The following GRIA3 variants were observed in gnomAD, a reference collection of about 807,000 sequenced individuals.
GRIA3 encodes glutamate receptor 3.
In GRIA3, 3 loss-of-function variants were observed where a neutral mutation model predicts 63.0. That is an observed-to-expected ratio of 0.05 (90% CI 0.02 to 0.12). The LOEUF (loss-of-function observed/expected upper bound fraction) is 0.12, where lower values mean the gene tolerates loss of function less well. Ranked by LOEUF, GRIA3 falls within the 10% of genes least tolerant of loss-of-function variation. The pLI is 1.00. For synonymous variants in GRIA3, 274 were observed against 257.9 expected, an observed-to-expected ratio of 1.06 and a Z score of -0.60; for missense variants, 347 against 700.9, an observed-to-expected ratio of 0.50 and a Z score of 5.70.
chrX:123,185,463 C>T (rs1280514543), intron 1 of GRIA3, among the ~76,000 whole-genome samples: 1 of 89,678 alleles, frequency 1.1e-5, no homozygotes, highest in Admixed American at 1.4e-4. Flanking sequence ...CCTTTCCCTT[C>T]ACACAATGAA....
intron 10 of GRIA3, among the ~76,000 whole-genome samples, chrX:123,407,697 G>A (rs1158650865): frequency 1.2e-5 from 1 of 84,113 alleles, no homozygotes; most frequent in Non-Finnish European, 2.3e-5. Context: ...GTTGCGGGGG[G>A]GGGGGGGACG....
At chrX:123,282,380 T>C (rs1222456231) in intron 3 of GRIA3, among the ~76,000 whole-genome samples, 1 of 112,392 alleles carries the variant, frequency 8.9e-6, no homozygotes, top group Non-Finnish European at 1.9e-5. Context: ...CTTTCTGATA[T>C]CTGAAAAACA....
At chrX:123,441,594 T>C (rs1285253494) in intron 12 of GRIA3, among the ~76,000 whole-genome samples, 1 of 111,852 alleles carries the variant, frequency 8.9e-6, no homozygotes, top group Non-Finnish European at 1.9e-5. Context: ...GCAAAATCCA[T>C]CTACACTTTT....
chrX:123,467,351 G>A (rs1216034065), intron 13 of GRIA3, among the ~76,000 whole-genome samples: 1 of 112,024 alleles, frequency 8.9e-6, no homozygotes, highest in Non-Finnish European at 1.9e-5. Flanking sequence ...CAAAATGGTT[G>A]TTCTTATTGA....
At chrX:123,358,114 T>C (rs1006395939) in intron 5 of GRIA3, among the ~76,000 whole-genome samples, 3 of 110,998 alleles carry the variant, frequency 2.7e-5, no homozygotes, top group Non-Finnish European at 5.7e-5. Context: ...ACCAAAACTA[T>C]TTAGAAGTAA....
intron 2 of GRIA3, among the ~76,000 whole-genome samples, chrX:123,243,857 A>G (rs971148445): frequency 9.0e-6 from 1 of 111,570 alleles, no homozygotes; most frequent in Non-Finnish European, 1.9e-5. Context: ...CTGAGTCCCA[A>G]TGCTTAACCA....
chrX:123,482,102 T>C lies in GRIA3; in HGVS notation c.2440-697T>C, dbSNP rs1026730487. Among the ~76,000 whole-genome samples the C allele has an allele frequency of 8.0e-5, 9 of 112,169 alleles. No individual in the cohort carries two copies. In the Admixed American group the frequency reaches 8.5e-4, roughly 11 times the overall value. On this transcript the variant is annotated intron_variant, in intron 14 of 15. Transcript: ENST00000620443. ...ATGGAACGGAGCCAATTCTTTGTGC[T>C]GTGCCCTTGTTCCAGCAACACAAAG...
At chrX:123,462,101 AC>A (rs2045796002) in intron 12 of GRIA3, among the ~76,000 whole-genome samples, 2 of 110,863 alleles carry the variant, frequency 1.8e-5, no homozygotes, top group African/African-American at 6.6e-5. Flanking sequence ...TTTTCTTTCT[AC>A]CTCCATTGCT....
Position 123,434,078 on chromosome X carries a change from G to A in GRIA3, c.2076+5939G>A, listed in dbSNP as rs551846814. Among the ~76,000 whole-genome samples, 10 of 111,494 alleles carry A rather than the reference G, an allele frequency of 9.0e-5. No homozygotes were observed. The South Asian group carries it at 3.8e-3, about 43-fold the overall frequency. ...ATATTTATTGGCTATCTATAACAGG[G>A]CTTTTGAAGTATATGCAGGAAGGGA... is the stretch of plus-strand genomic sequence containing the variant. On this transcript the variant is annotated intron_variant, in intron 12 of 15. Coordinates refer to ENST00000620443, the MANE Select transcript of GRIA3 (RefSeq NM_007325.5).
At chrX:123,421,252 C>T (rs2045563129) in intron 11 of GRIA3, among the ~76,000 whole-genome samples, 1 of 111,733 alleles carries the variant, frequency 8.9e-6, no homozygotes, top group Non-Finnish European at 1.9e-5. Context: ...ATAAATTATA[C>T]CTTTAAGCAT....
At chrX:123,244,407 C>T (rs1441395636) in intron 2 of GRIA3, among the ~76,000 whole-genome samples, 2 of 112,112 alleles carry the variant, frequency 1.8e-5, no homozygotes, top group African/African-American at 3.2e-5. Flanking sequence ...CCCTCTCCTA[C>T]ATCCCCAGGC....
rs775661563 is a variant in GRIA3 at position 123,403,526 on chromosome X, G to C, written c.1293+7G>C. 1 of 986,875 alleles carries C rather than the reference G, an allele frequency of 1.0e-6. No homozygotes were observed. The allele number at this position is 986,875 out of a possible 1,213,427, so 81.3% of individuals were successfully genotyped here. On this transcript the variant is annotated splice_region_variant and intron_variant, in intron 9 of 15. Coordinates refer to ENST00000620443, the MANE Select transcript of GRIA3 (RefSeq NM_007325.5). ...AGTAGTGACTACCATTCTGGTAAGT[G>C]TGAACAGAAGGTAGGTGGGCTTTCT...
chrX:123,198,978 C>T (rs1349567093), intron 2 of GRIA3, among the ~76,000 whole-genome samples: 1 of 111,816 alleles, frequency 8.9e-6, no homozygotes, highest in African/African-American at 3.3e-5. Flanking sequence ...CTGGGCTCTC[C>T]CAGCCATGAG....
At chrX:123,438,807 C>T (rs775474047) in intron 12 of GRIA3, among the ~76,000 whole-genome samples, 4 of 112,743 alleles carry the variant, frequency 3.5e-5, no homozygotes, top group Non-Finnish European at 5.6e-5. Context: ...ACCCGATCTG[C>T]TATAACTTTC....
chrX:123,320,227 T>A (rs1194142972), intron 3 of GRIA3, among the ~76,000 whole-genome samples: 2 of 111,794 alleles, frequency 1.8e-5, no homozygotes, highest in African/African-American at 6.5e-5. Context: ...AGCTGTTCAT[T>A]TGTTAAACTC....
At chrX:123,258,437 G>A (rs1477360002) in intron 3 of GRIA3, among the ~76,000 whole-genome samples, 1 of 111,851 alleles carries the variant, frequency 8.9e-6, no homozygotes, top group Non-Finnish European at 1.9e-5. Flanking sequence ...AGTTTGTGAG[G>A]TCCTTTGCCC....
intron 12 of GRIA3, among the ~76,000 whole-genome samples, chrX:123,451,657 G>T (rs374852916): frequency 1.2e-4 from 13 of 109,050 alleles, no homozygotes; most frequent in Non-Finnish European, 2.1e-4. Context: ...AGCTGACAAG[G>T]TGTGGAATGT....
intron 2 of GRIA3, among the ~76,000 whole-genome samples, chrX:123,227,300 C>A (rs2044252531): frequency 9.0e-6 from 1 of 111,710 alleles, no homozygotes; most frequent in South Asian, 3.7e-4. Flanking sequence ...TTACTTGAGG[C>A]CTTATTTTCC....
At chrX:123,432,524 C>A (rs1475035394) in intron 12 of GRIA3, among the ~76,000 whole-genome samples, 2 of 111,848 alleles carry the variant, frequency 1.8e-5, no homozygotes, top group Non-Finnish European at 3.8e-5. Flanking sequence ...CCAGCCAGGT[C>A]ATGTATAACC....
Sources: gnomAD v4.1 joint callset for allele counts (sites outside exome capture counted in the v4.1 genomes callset) on GRCh38, gnomAD v4.1.1 for gene constraint, MANE v1.5 for transcripts, NCBI Gene and HGNC (gene_info 2026-07-23, HGNC 2026-07-21) for gene names.